The following PTDSS1 variants were observed in gnomAD, a reference collection of about 807,000 sequenced individuals.
PTDSS1 encodes the protein phosphatidylserine synthase 1.
A neutral mutation model predicts 70.5 loss-of-function variants in PTDSS1; 45 were observed. The observed-to-expected ratio is 0.64, with a 90% confidence interval of 0.50 to 0.82. The LOEUF (loss-of-function observed/expected upper bound fraction) is 0.82, where lower values mean the gene tolerates loss of function less well. PTDSS1 is among the 40% of genes least tolerant of loss of function. The probability of loss-of-function intolerance (pLI) is 0.00; values close to 1 mark genes in which losing one functional copy is unlikely to be tolerated. For missense variants in PTDSS1, 417 were observed against 586.1 expected (o/e 0.71, Z 2.98); for synonymous variants, 188 against 203.8 (o/e 0.92, Z 0.66).
chr8:96,324,184 A>G (rs1811408412), intron 10 of PTDSS1, among the ~76,000 whole-genome samples: 1 of 152,196 alleles, frequency 6.6e-6, no homozygotes, highest in East Asian at 1.9e-4. Flanking sequence ...TATTGCTACC[A>G]GCATTCTGGT....
chr8:96,292,266 C>T (rs1223588651), intron 4 of PTDSS1, among the ~76,000 whole-genome samples: 1 of 145,616 alleles, frequency 6.9e-6, no homozygotes, highest in Middle Eastern at 3.4e-3. Context: ...TGCCACTGCG[C>T]TCCAGCCTAG....
chr8:96,301,654 G>A (rs927419138), intron 6 of PTDSS1, among the ~76,000 whole-genome samples: 1 of 151,736 alleles, frequency 6.6e-6, no homozygotes, highest in Non-Finnish European at 1.5e-5. Flanking sequence ...CGAGTAGCTG[G>A]GATTAGCCAC....
chr8:96,322,960 C>T (rs1811392664), intron 10 of PTDSS1, among the ~76,000 whole-genome samples: 1 of 152,150 alleles, frequency 6.6e-6, no homozygotes, highest in Admixed American at 6.5e-5. Context: ...TCGTCTACTT[C>T]CACAATACAA....
At chr8:96,300,381 T>A (rs1811034356) in intron 6 of PTDSS1, among the ~76,000 whole-genome samples, 1 of 152,168 alleles carries the variant, frequency 6.6e-6, no homozygotes, top group Non-Finnish European at 1.5e-5. Flanking sequence ...CTCCCCTCTC[T>A]TCACCTGAGA....
chr8:96,299,568 A>T lies in PTDSS1; in HGVS notation c.601-126A>T, dbSNP rs559780966. ...TGTTACTGTTGGTTATTTTCTGTAC[A>T]TTAGGAAAAAATGAAATGTCAACAA... On this transcript the variant is annotated intron_variant, in intron 5 of 12. Coordinates refer to ENST00000517309, the MANE Select transcript of PTDSS1 (RefSeq NM_014754.3). 3 of 1,064,292 alleles carry T rather than the reference A, an allele frequency of 2.8e-6. No homozygotes were observed. In the East Asian group the frequency reaches 7.6e-5, roughly 27 times the overall value. The allele number at this position is 1,064,292 out of a possible 1,614,324, so 65.9% of individuals were successfully genotyped here.
At chr8:96,325,745 G>A (rs1811429768) in intron 10 of PTDSS1, among the ~76,000 whole-genome samples, 1 of 152,180 alleles carries the variant, frequency 6.6e-6, no homozygotes, top group Non-Finnish European at 1.5e-5. Context: ...CTCTCTGGCT[G>A]GGGGCTTGAG....
chr8:96,265,063 C>T (rs1390197917), intron 1 of PTDSS1, among the ~76,000 whole-genome samples: 1 of 152,114 alleles, frequency 6.6e-6, no homozygotes, highest in East Asian at 1.9e-4. Context: ...CTCTATATTC[C>T]TCCATAAAGA....
Position 96,318,628 on chromosome 8 carries a change from C to T in PTDSS1, c.1074-1618C>T, listed in dbSNP as rs187381577. On this transcript the variant is annotated intron_variant, in intron 9 of 12. Coordinates refer to ENST00000517309, the MANE Select transcript of PTDSS1 (RefSeq NM_014754.3). ...CCTCCACTGAAATGATACTTTCTCA[C>T]ATGTGACATGCTTTGTGGAGCAGTG... Among the ~76,000 whole-genome samples the T allele has an allele frequency of 6.6e-4, 100 of 152,322 alleles. 1 individual carries two copies. The highest frequency in any genetic ancestry group is 1.5e-4 in the Non-Finnish European group (10 of 68,032).
chr8:96,277,572 C>T (rs1342224628), intron 2 of PTDSS1, among the ~76,000 whole-genome samples: 1 of 152,264 alleles, frequency 6.6e-6, no homozygotes, highest in East Asian at 1.9e-4. Context: ...CCCTCTCCTT[C>T]ACAGACAGTT....
At chr8:96,316,721 A>C (rs546805217) in intron 9 of PTDSS1, among the ~76,000 whole-genome samples, 1 of 152,136 alleles carries the variant, frequency 6.6e-6, no homozygotes, top group Non-Finnish European at 1.5e-5. Flanking sequence ...TGGCCAGGCG[A>C]AGTGGCTCAC....
intron 1 of PTDSS1, among the ~76,000 whole-genome samples, chr8:96,271,752 A>T (rs1350061714): frequency 6.6e-6 from 1 of 152,248 alleles, no homozygotes; most frequent in Non-Finnish European, 1.5e-5. Context: ...GGTAGATTTT[A>T]AAAACAGTTT....
At chr8:96,333,291 A>C (rs1056800270) in intron 12 of PTDSS1, among the ~76,000 whole-genome samples, 166 bp from the exon 13 acceptor site, 1 of 152,072 alleles carries the variant, frequency 6.6e-6, no homozygotes, top group African/African-American at 2.4e-5. Context: ...CTTCAGTACT[A>C]GTTCTGTGTT....
rs1810427454 is a variant in PTDSS1 at position 96,262,722 on chromosome 8, C to T, written c.179+503C>T. Among the ~76,000 whole-genome samples, 1 of 152,194 alleles carries T rather than the reference C, an allele frequency of 6.6e-6. No homozygotes were observed. The highest frequency in any genetic ancestry group is 2.4e-5 in the African/African-American group (1 of 41,426). ...TCCCTTCCTGTGGAACTCCGGTATT[C>T]GGCACTATCCGTAACGCACAAAAAA... On this transcript the variant is annotated intron_variant, in intron 1 of 12. Transcript: ENST00000517309. The surrounding 1 kb of genome is among the most constrained non-coding windows in gnomAD (Gnocchi z 4.4).
At position 96,281,019 on chromosome 8, in the gene PTDSS1, G is replaced by A. The variant is rs148107988; in HGVS notation, c.272-3090G>A. On this transcript the variant is annotated intron_variant, in intron 2 of 12. Coordinates refer to ENST00000517309, the MANE Select transcript of PTDSS1 (RefSeq NM_014754.3). ...ATGGGGCTCATGCCGGGCAGGTGAT[G>A]CTGTGGAATGCGGGGCTCCTCCTCA... Among the ~76,000 whole-genome samples, 14 of 152,252 alleles carry A rather than the reference G, an allele frequency of 9.2e-5. No individual in the cohort carries two copies. In the East Asian group the frequency reaches 2.7e-3, roughly 29 times the overall value.
At position 96,262,242 on chromosome 8, in the gene PTDSS1, G is replaced by T; in HGVS notation, c.179+23G>T. ...CAGGTGGGGCGGCCCAGCCGAGCGGGGGGCGCGTCCAAGGGCTAGGGAAGA... is the reference window on the plus strand; with the variant it reads ...CAGGTGGGGCGGCCCAGCCGAGCGGTGGGCGCGTCCAAGGGCTAGGGAAGA... On this transcript the variant is annotated intron_variant, in intron 1 of 12. Coordinates refer to ENST00000517309, the MANE Select transcript of PTDSS1 (RefSeq NM_014754.3). This position sits in a 1 kb window ranked among gnomAD's most constrained non-coding sequence, Gnocchi z 4.4. 1 of 1,605,738 alleles carries T rather than the reference G, an allele frequency of 6.2e-7. No homozygotes were observed. Among genetic ancestry groups the T allele is most frequent in the Non-Finnish European group, 8.5e-7 (1 of 1,175,016 alleles).
intron 10 of PTDSS1, among the ~76,000 whole-genome samples, chr8:96,325,722 G>A (rs2130172305): frequency 6.6e-6 from 1 of 152,224 alleles, no homozygotes; most frequent in South Asian, 2.1e-4. Flanking sequence ...TCTTTCCCCT[G>A]CTAAGAATCA....
rs538008429 is a variant in PTDSS1 at position 96,304,040 on chromosome 8, G to T, written c.753G>T (p.Lys251Asn). The T allele has an allele frequency of 9.3e-6, 15 of 1,604,630 alleles. No individual in the cohort carries two copies. The highest frequency in any genetic ancestry group is 1.7e-4 in the Middle Eastern group (1 of 5,986). ...CACTGGAGCCATTCTCTTCTTACAG[G>T]GACATTCATACCACCACCGGGAAGA... is the stretch of plus-strand genomic sequence containing the variant. ...EMRTYHWASF[K>N]DIHTTTGKIK... Residue 251 changes from lysine (K) to asparagine (N), a missense_variant and splice_region_variant, in exon 7 of 13, where the codon AAG (lysine) becomes AAT (asparagine). Physicochemically the swap from Lys to Asn is moderately conservative, Grantham distance 94. Transcript: ENST00000517309.
At chr8:96,328,648 G>A (rs1360042681) in intron 10 of PTDSS1, among the ~76,000 whole-genome samples, 2 of 152,216 alleles carry the variant, frequency 1.3e-5, no homozygotes, top group Non-Finnish European at 2.9e-5. Flanking sequence ...TGGCACGGAA[G>A]AGGACAGCTA....
At chr8:96,272,236 ATTGTT>A (rs976783721) in intron 1 of PTDSS1, among the ~76,000 whole-genome samples, 2 of 150,916 alleles carry the variant, frequency 1.3e-5, no homozygotes, top group African/African-American at 4.9e-5. Flanking sequence ...ATGATTGTTG[ATTGTT>A]TTGTTTTGTT....
Sources: gnomAD v4.1 joint callset for allele counts (sites outside exome capture counted in the v4.1 genomes callset) on GRCh38, gnomAD v4.1.1 for gene constraint, Gnocchi (gnomAD v3.1) non-coding constraint, MANE v1.5 for transcripts, NCBI Gene and HGNC (gene_info 2026-07-23, HGNC 2026-07-21) for gene names.